The following IK variants were observed in gnomAD, a reference collection of about 807,000 sequenced individuals.
IK encodes IK cytokine.
IK carries 47 observed loss-of-function variants against 90.9 expected under a neutral mutation model. That is an observed-to-expected ratio of 0.52 (90% CI 0.41 to 0.66). The LOEUF (loss-of-function observed/expected upper bound fraction) is 0.66. IK is among the 30% of genes least tolerant of loss of function. The probability of loss-of-function intolerance (pLI) is 0.00; values close to 1 mark genes in which losing one functional copy is unlikely to be tolerated. For synonymous variants in IK, 201 were observed against 227.5 expected (o/e 0.88, Z 1.05); for missense variants, 385 against 709.3 (o/e 0.54, Z 5.19).
intron 6 of IK, 40 bp from the exon 7 acceptor site, chr5:140,654,476 T>C (rs987204594): frequency 1.3e-6 from 2 of 1,485,244 alleles, no homozygotes; most frequent in Non-Finnish European, 9.2e-7. Context: ...TCAATAAATA[T>C]ATAAAATGAG....
chr5:140,654,474 T>C (rs754556102), intron 6 of IK, 42 bp from the exon 7 acceptor site: 2 of 1,464,942 alleles, frequency 1.4e-6, no homozygotes, highest in South Asian at 2.5e-5. Context: ...GTTCAATAAA[T>C]ATATAAAATG....
At position 140,655,830 on chromosome 5, in the gene IK, C is replaced by A. The variant is rs1293437662; in HGVS notation, c.639C>A (p.Gly213=). The A allele has an allele frequency of 1.2e-6, 2 of 1,610,052 alleles. No individual in the cohort carries two copies. Among genetic ancestry groups the A allele is most frequent in the East Asian group, 4.5e-5 (2 of 44,810 alleles). ...TTGCTGCTCTTCTCCTTATTGTAGGCCGCAATGTTTACCGAATGCTTTTTA... is the reference window on the plus strand; with the variant it reads ...TTGCTGCTCTTCTCCTTATTGTAGGACGCAATGTTTACCGAATGCTTTTTA... ...ENKIEFKTRL[G]RNVYRMLFKS... Residue 213 remains glycine (G), a splice_region_variant and synonymous_variant, in exon 9 of 20, where the codon GGC becomes GGA. Coordinates refer to ENST00000417647, the MANE Select transcript of IK (RefSeq NM_006083.4).
At chr5:140,662,037 G>C in intron 18 of IK, 30 bp downstream of exon 18, 1 of 1,576,764 alleles carries the variant, frequency 6.3e-7, no homozygotes, top group Non-Finnish European at 8.7e-7. Context: ...GGGTGGGAGG[G>C]TTTCAGCTGG....
chr5:140,650,646 G>A (rs1236304350), intron 2 of IK, among the ~76,000 whole-genome samples: 2 of 151,736 alleles, frequency 1.3e-5, no homozygotes, highest in African/African-American at 2.4e-5. Context: ...CCTAGATCTC[G>A]GCTCACTGCA....
intron 6 of IK, 74 bp from the exon 7 acceptor site, chr5:140,654,442 G>A: frequency 3.6e-6 from 4 of 1,107,282 alleles, no homozygotes. Context: ...CTTAGTTCCT[G>A]GTACAGTGTG....
At chr5:140,654,817 C>G in intron 8 of IK, 90 bp downstream of exon 8, 1 of 844,478 alleles carries the variant, frequency 1.2e-6, no homozygotes, top group East Asian at 2.5e-5. Flanking sequence ...CTCCTTTCCC[C>G]CAACCTCCTT....
At chr5:140,658,829 CT>C in intron 11 of IK, 53 bp downstream of exon 11, 1 of 1,596,604 alleles carries the variant, frequency 6.3e-7, no homozygotes, top group Non-Finnish European at 8.6e-7. Flanking sequence ...CTGTACATTT[CT>C]TGTGTCTGGC....
In IK at chr5:140,648,007, G is replaced by GGTGTGTGTGTGTGTGT. The variant is rs762057029; in HGVS notation, c.16+106_16+121dup. On this transcript the variant is annotated intron_variant, in intron 1 of 19. Coordinates refer to ENST00000417647, the MANE Select transcript of IK (RefSeq NM_006083.4). ...TATTGTAGCTTCTGAGCTTAAGCCG[G>GGTGTGTGTGTGTGTGT]GTGTGTGTGTGTGTGTGTGTGTGTG... 787 of 931,052 alleles carry GGTGTGTGTGTGTGTGT rather than the reference G, an allele frequency of 8.5e-4. 1 individual carries two copies. The highest frequency in any genetic ancestry group is 2.8e-3 in the East Asian group (110 of 39,402). The allele number at this position is 931,052 out of a possible 1,614,324, so 57.7% of individuals were successfully genotyped here.
chr5:140,655,873 C>T lies in IK; in HGVS notation c.682C>T (p.Arg228Trp). ...RMLFKSKAYE[R>W]NELFLPGRMA... is the part of the protein sequence containing the mutation. ...GCTTTTTAAGAGCAAAGCATATGAG[C>T]GGAATGAGTTGTTCCTGCCGGGCCG... The change falls in exon 9 of 20, where the codon CGG becomes TGG. Residue 228 changes from arginine (R) to tryptophan (W), a missense_variant. Arg to Trp is a moderately radical substitution (Grantham distance 101). Transcript: ENST00000417647. The T allele has an allele frequency of 3.1e-6, 5 of 1,608,504 alleles. No individual in the cohort carries two copies. The highest frequency in any genetic ancestry group is 4.2e-6 in the Non-Finnish European group (5 of 1,177,240).
In IK at chr5:140,662,223, A is replaced by G. The variant is rs1757810580; in HGVS notation, c.1646+10A>G. 1.9e-6 allele frequency: 3 copies of G among 1,613,982 alleles called. No individual in the cohort carries two copies. The South Asian group carries it at 3.3e-5, about 18-fold the overall frequency. Reference sequence around the variant, plus strand: ...AGATGGAAGCTGATGGGTGAGCGGCATTATTCTTCCTCTGTGGGACTGGTG... The same window carrying G: ...AGATGGAAGCTGATGGGTGAGCGGCGTTATTCTTCCTCTGTGGGACTGGTG... On this transcript the variant is annotated intron_variant, in intron 19 of 19. Coordinates refer to ENST00000417647, the MANE Select transcript of IK (RefSeq NM_006083.4).
intron 3 of IK, 130 bp from the exon 4 acceptor site, chr5:140,651,958 A>G (rs1757623032): frequency 1.2e-6 from 1 of 847,772 alleles, no homozygotes; most frequent in Non-Finnish European, 2.0e-6. Flanking sequence ...ATTGGTGTGG[A>G]TTTCTGCTTG....
chr5:140,659,756 G>A lies in IK; in HGVS notation c.1196G>A (p.Gly399Glu), dbSNP rs751063852. ...VDDEPMDVDK[G>E]PGSTKELIKS... The stretch of plus-strand genomic sequence containing the variant: ...TGGGCTGAGTTCTCTTTTCTCCTAG[G>A]ACCTGGGTCTACCAAGGAGTTGATC... The change falls in exon 14 of 20, where the codon GGA becomes GAA. Residue 399 changes from glycine to glutamate, a missense_variant and splice_region_variant. Coordinates refer to ENST00000417647, the MANE Select transcript of IK (RefSeq NM_006083.4). 4.4e-6 allele frequency: 7 copies of A among 1,587,542 alleles called. No homozygotes were observed. Among genetic ancestry groups the A allele is most frequent in the Non-Finnish European group, 5.1e-6 (6 of 1,165,164 alleles).
At position 140,648,500 on chromosome 5, in the gene IK, G is replaced by A. The variant is rs1157877405; in HGVS notation, c.46G>A (p.Asp16Asn). ...GCCGTTCTCCAACCCTTTGGCCCCC[G>A]ATGGCCACGATGTGGATGATCCTCA... ...SEPFSNPLAP[D>N]GHDVDDPHSF... Residue 16 changes from aspartate to asparagine, a missense_variant, in exon 2 of 20, where the codon GAT becomes AAT. Asp to Asn is a conservative substitution (Grantham distance 23). This residue lies in a region of IK where 42 missense variants were observed against 37.9 expected (regional missense o/e 1.11). Coordinates refer to ENST00000417647, the MANE Select transcript of IK (RefSeq NM_006083.4). 3.7e-6 allele frequency: 6 copies of A among 1,613,892 alleles called. No homozygotes were observed. The highest frequency in any genetic ancestry group is 5.1e-6 in the Non-Finnish European group (6 of 1,179,902).
chr5:140,651,637 T>G, intron 2 of IK, 77 bp from the exon 3 acceptor site: 1 of 759,216 alleles, frequency 1.3e-6, no homozygotes. Flanking sequence ...TTCTGTTAAT[T>G]TAATCATGAT....
chr5:140,651,151 A>G (rs915849063), intron 2 of IK, among the ~76,000 whole-genome samples: 11 of 152,196 alleles, frequency 7.2e-5, no homozygotes. Flanking sequence ...TGATGCATTA[A>G]AAGTGGCATG....
Position 140,661,534 on chromosome 5 carries a change from G to A in IK, c.1414-86G>A, listed in dbSNP as rs1757802466. 1 of 803,274 alleles carries A rather than the reference G, an allele frequency of 1.2e-6. No homozygotes were observed. Among genetic ancestry groups the A allele is most frequent in the East Asian group, 2.7e-5 (1 of 37,608 alleles). The allele number at this position is 803,274 out of a possible 1,614,324, so 49.8% of individuals were successfully genotyped here. A position where few individuals can be genotyped will look rare whatever the true frequency, so the allele number is the denominator to read the frequency against. On this transcript the variant is annotated intron_variant, in intron 16 of 19. Coordinates refer to ENST00000417647, the MANE Select transcript of IK (RefSeq NM_006083.4). The surrounding 1 kb of genome is among the most constrained non-coding windows in gnomAD (Gnocchi z 4.2). ...ATGAATTGTGGAACCTGGGATTATGGGAGAGTCTGGCTTCAATCAAGGGCT... is the reference window on the plus strand; with the variant it reads ...ATGAATTGTGGAACCTGGGATTATGAGAGAGTCTGGCTTCAATCAAGGGCT...
Position 140,659,023 on chromosome 5 carries a change from G to A in IK, c.1035G>A (p.Glu345=), listed in dbSNP as rs375642434. Residue 345 remains glutamate, a synonymous_variant, in exon 12 of 20, where the codon GAG becomes GAA. Transcript: ENST00000417647. ...DKERERYRER[E]RDRERDRDRD... ...AGCGGGAGAGATATCGGGAACGGGA[G>A]CGTGATCGGGAAAGAGACAGAGACC... The A allele has an allele frequency of 9.3e-6, 15 of 1,613,152 alleles. No individual in the cohort carries two copies. Among genetic ancestry groups the A allele is most frequent in the Non-Finnish European group, 1.3e-5 (15 of 1,179,124 alleles).
At chr5:140,652,926 C>A in intron 4 of IK, 51 bp from the exon 5 acceptor site, 1 of 1,573,140 alleles carries the variant, frequency 6.4e-7, no homozygotes, top group Non-Finnish European at 8.7e-7. Context: ...TTCTGTTGAC[C>A]TTGAGGTAGC....
At chr5:140,660,464 G>C (rs1757785989) in intron 15 of IK, 2 of 536,056 alleles carry the variant, frequency 3.7e-6, no homozygotes, top group Admixed American at 3.4e-5. Flanking sequence ...CACCTGGCTA[G>C]TTTTTGTATT....
Sources: allele counts gnomAD v4.1 joint callset (sites outside exome capture counted in the v4.1 genomes callset), GRCh38; gene constraint gnomAD v4.1.1; regional missense constraint gnomAD v4.1.1; non-coding constraint Gnocchi (gnomAD v3.1); transcripts MANE v1.5; gene names NCBI Gene and HGNC (gene_info 2026-07-23, HGNC 2026-07-21).